Variants in KLHL32 observed in about 807,000 individuals in gnomAD.
KLHL32 encodes kelch like family member 32, also known as kelch-like protein 32.
Under a neutral mutation model 64.8 loss-of-function variants are expected in KLHL32, and 35 were observed. That is an observed-to-expected ratio of 0.54 (90% CI 0.41 to 0.72). The LOEUF is 0.72. Among genes scored for constraint, KLHL32 ranks in the 30% least tolerant of loss-of-function variants. KLHL32 has a pLI of 0.00. For missense variants in KLHL32, 589 were observed against 768.5 expected (o/e 0.77, Z 2.76); for synonymous variants, 259 against 281.0 (o/e 0.92, Z 0.78).
chr6:96,970,056 A>G (rs1774941636), intron 2 of KLHL32, among the ~76,000 whole-genome samples: 1 of 152,060 alleles, frequency 6.6e-6, no homozygotes, highest in Non-Finnish European at 1.5e-5. Flanking sequence ...ATGTAATCTA[A>G]CACCAAGACC....
At chr6:96,904,886 C>T in the KLHL32 span, among the ~76,000 whole-genome samples, 1 of 152,120 alleles carries the variant, frequency 6.6e-6, no homozygotes, top group Non-Finnish European at 1.5e-5. Flanking sequence ...ACTGAATTTC[C>T]AACATCATTT....
At chr6:97,064,771 C>T (rs1379549203) in intron 5 of KLHL32, 45 bp downstream of exon 5, 2 of 1,480,400 alleles carry the variant, frequency 1.4e-6, no homozygotes, top group Admixed American at 3.4e-5. Context: ...ACATTCCTTT[C>T]CCCACAGTCA....
rs1796811717 is a variant in KLHL32, at chr6:97,109,259, C to A, written c.628-4524C>A. On this transcript the variant is annotated intron_variant, in intron 6 of 10. Coordinates refer to ENST00000369261, the MANE Select transcript of KLHL32 (RefSeq NM_052904.4). ...TTTGATCTGGAAAAAAATATAAACC[C>A]AACAAGTAGGGATGACTTGTATAGT... Among the ~76,000 whole-genome samples, 3 of 152,020 alleles carry A rather than the reference C, an allele frequency of 2.0e-5. 1 individual carries two copies. In the South Asian group the frequency reaches 6.2e-4, roughly 32 times the overall value.
intron 7 of KLHL32, among the ~76,000 whole-genome samples, chr6:97,116,908 C>T (rs1477915560): frequency 6.6e-6 from 1 of 152,184 alleles, no homozygotes; most frequent in African/African-American, 2.4e-5. Context: ...TATGCTGCCT[C>T]TGTTAACCAA....
intron 4 of KLHL32, among the ~76,000 whole-genome samples, chr6:97,057,098 T>G (rs147971697): frequency 8.1e-4 from 123 of 151,250 alleles, no homozygotes; most frequent in African/African-American, 2.8e-3. Context: ...TTTTAGAAAT[T>G]AATACCCCAA....
chr6:96,921,668 G>A (rs779302080), upstream of KLHL32, among the ~76,000 whole-genome samples: 9 of 152,144 alleles, frequency 5.9e-5, no homozygotes, highest in Admixed American at 2.0e-4. Flanking sequence ...TACTTGCTTC[G>A]GGAGGAGGCA....
the KLHL32 span, among the ~76,000 whole-genome samples, chr6:96,909,346 C>T: frequency 1.3e-5 from 2 of 152,178 alleles, no homozygotes; most frequent in East Asian, 1.9e-4. Flanking sequence ...ATGTGTGTCA[C>T]GAAGGCTTAT....
chr6:96,947,098 C>T (rs1331754233), intron 1 of KLHL32, among the ~76,000 whole-genome samples: 1 of 152,142 alleles, frequency 6.6e-6, no homozygotes, highest in Non-Finnish European at 1.5e-5. Flanking sequence ...CCTTGGGTTC[C>T]TACCTAAGTA....
Position 96,967,685 on chromosome 6 carries a change from TC to T in KLHL32, c.23+605del, listed in dbSNP as rs1774619256. On this transcript the variant is annotated intron_variant, in intron 2 of 10. Coordinates refer to ENST00000369261, the MANE Select transcript of KLHL32 (RefSeq NM_052904.4). ...TATGAATAAAACAGATAAGGTTCCT[TC>T]CCTCTTAAAATGTATATTCTATGGC... is the stretch of plus-strand genomic sequence containing the variant. Among the ~76,000 whole-genome samples the T allele has an allele frequency of 2.6e-5, 4 of 152,238 alleles. No individual in the cohort carries two copies. The South Asian group carries it at 6.2e-4, about 24-fold the overall frequency.
intron 5 of KLHL32, among the ~76,000 whole-genome samples, chr6:97,074,583 C>G (rs1215545477): frequency 1.3e-5 from 2 of 149,134 alleles, no homozygotes; most frequent in African/African-American, 4.9e-5. Context: ...TTAAGACAGT[C>G]TGTAGGTAAG....
chr6:96,968,212 T>C (rs1272607141), intron 2 of KLHL32, among the ~76,000 whole-genome samples: 3 of 152,240 alleles, frequency 2.0e-5, no homozygotes, highest in East Asian at 1.9e-4. Flanking sequence ...TTCTCAATGG[T>C]GGATGGTTTT....
At chr6:97,067,272 A>G (rs1208656594) in intron 5 of KLHL32, among the ~76,000 whole-genome samples, 1 of 152,008 alleles carries the variant, frequency 6.6e-6, no homozygotes, top group Non-Finnish European at 1.5e-5. Context: ...TTTCTCTTTC[A>G]TTTCCTCTGG....
rs552279951 is a variant in KLHL32, at chr6:96,999,502, T to C, written c.204+23325T>C. On this transcript the variant is annotated intron_variant, in intron 3 of 10. Transcript: ENST00000369261. ...AGATTGTACTCATCTGTTTTCACCA[T>C]ATTTGATGGAATTTTGAAGTGAACA... 2.0e-5 allele frequency: 19 copies of C among 955,648 alleles called. No individual in the cohort carries two copies. In the African/African-American group the frequency reaches 2.3e-4, roughly 12 times the overall value. The allele number at this position is 955,648 out of a possible 1,614,324, so 59.2% of individuals were successfully genotyped here. A position where few individuals can be genotyped will look rare whatever the true frequency, so the allele number is the denominator to read the frequency against.
chr6:97,135,276 A>T, intron 10 of KLHL32, among the ~76,000 whole-genome samples: 1 of 151,122 alleles, frequency 6.6e-6, no homozygotes, highest in East Asian at 1.9e-4. Context: ...CACTGGTCCT[A>T]CAAAGCACAG....
At position 97,127,920 on chromosome 6, in the gene KLHL32, G is replaced by A. The variant is rs552844503; in HGVS notation, c.1413+458G>A. On this transcript the variant is annotated intron_variant, in intron 8 of 10. Transcript: ENST00000369261. Reference sequence around the variant, plus strand: ...GAAGGGTTTTCATCTAACAGCTGGGGGTTGAATATGCATATGGATGGTGCC... The same window carrying A: ...GAAGGGTTTTCATCTAACAGCTGGGAGTTGAATATGCATATGGATGGTGCC... Among the ~76,000 whole-genome samples the A allele has an allele frequency of 2.4e-4, 36 of 152,212 alleles. No individual in the cohort carries two copies. In the South Asian group the frequency reaches 7.5e-3, roughly 32 times the overall value.
chr6:96,905,114 T>C, the KLHL32 span, among the ~76,000 whole-genome samples: 1 of 152,198 alleles, frequency 6.6e-6, no homozygotes, highest in Non-Finnish European at 1.5e-5. Flanking sequence ...CATAGCAATT[T>C]AATCAATACA....
At chr6:97,072,105 G>T (rs1790837145) in intron 5 of KLHL32, among the ~76,000 whole-genome samples, 1 of 152,138 alleles carries the variant, frequency 6.6e-6, no homozygotes, top group South Asian at 2.1e-4. Context: ...ACCTCTCTGA[G>T]TGTGAACCCA....
chr6:96,964,650 C>A (rs1774255573), intron 1 of KLHL32, among the ~76,000 whole-genome samples: 1 of 152,108 alleles, frequency 6.6e-6, no homozygotes, highest in African/African-American at 2.4e-5. Context: ...GAAACCCTGT[C>A]TCAACAGAAA....
intron 5 of KLHL32, among the ~76,000 whole-genome samples, chr6:97,067,922 C>T (rs1022669388): frequency 1.3e-5 from 2 of 152,096 alleles, no homozygotes; most frequent in African/African-American, 4.8e-5. Flanking sequence ...GGAGAAGATT[C>T]ATTGGTAGAT....
Sources: gnomAD v4.1 joint callset for allele counts (sites outside exome capture counted in the v4.1 genomes callset) on GRCh38, gnomAD v4.1.1 for gene constraint, MANE v1.5 for transcripts, NCBI Gene and HGNC (gene_info 2026-07-23, HGNC 2026-07-21) for gene names.